NSD3: variants seen among roughly 807,000 people sequenced by gnomAD.
NSD3 encodes the protein nuclear receptor binding SET domain protein 3.
NSD3 carries 24 observed loss-of-function variants against 160.8 expected under a neutral mutation model. That is an observed-to-expected ratio of 0.15 (90% CI 0.11 to 0.21). The LOEUF is 0.21. Among genes scored for constraint, NSD3 ranks in the 10% least tolerant of loss-of-function variants. The pLI, the probability that NSD3 is intolerant of heterozygous loss-of-function variation, is 1.00. For synonymous variants in NSD3, 520 were observed against 600.0 expected, an observed-to-expected ratio of 0.87 and a Z score of 1.95; for missense variants, 1,157 against 1,735.9, an observed-to-expected ratio of 0.67 and a Z score of 5.93.
intron 7 of NSD3, among the ~76,000 whole-genome samples, chr8:38,323,855 T>G (rs1015169833): frequency 1.3e-5 from 2 of 151,474 alleles, no homozygotes; most frequent in Non-Finnish European, 2.9e-5. Flanking sequence ...TTCAGTAACT[T>G]TCAGAGGAGA....
At chr8:38,287,777 CGAGTAGCTG>C (rs1267747650) in intron 19 of NSD3, among the ~76,000 whole-genome samples, 1 of 151,888 alleles carries the variant, frequency 6.6e-6, no homozygotes, top group Admixed American at 6.6e-5. Flanking sequence ...CTCAGCCTCC[CGAGTAGCTG>C]GGACTACAGG....
At chr8:38,372,967 T>G (rs113052451) in intron 1 of NSD3, among the ~76,000 whole-genome samples, 2,027 of 150,104 alleles carry the variant, frequency 0.014, 28 homozygotes, top group Middle Eastern at 0.038. Context: ...GGCGAATCGC[T>G]TGAACCCGGG....
In NSD3 at chr8:38,348,234, G is replaced by A; in HGVS notation, c.-44-19C>T. 6.7e-7 allele frequency: 1 copy of A among 1,496,434 alleles called. No homozygotes were observed. The highest frequency in any genetic ancestry group is 8.9e-7 in the Non-Finnish European group (1 of 1,123,830). 92.7% of individuals were successfully genotyped at this position (1,496,434 alleles called of 1,614,324 possible). A position where few individuals can be genotyped will look rare whatever the true frequency, so the allele number is the denominator to read the frequency against. The stretch of plus-strand genomic sequence containing the variant: ...ATCGGGCCTAAAATTATAAAAGAGG[G>A]GATTAGAAGGTGTTACTATTCTCAT... On this transcript the variant is annotated intron_variant, in intron 1 of 23. Transcript: ENST00000317025.
chr8:38,368,732 C>A (rs1471816141), intron 1 of NSD3, among the ~76,000 whole-genome samples: 2 of 152,156 alleles, frequency 1.3e-5, no homozygotes, highest in East Asian at 1.9e-4. Flanking sequence ...GCTGACCACA[C>A]CCAGCAACAA....
intron 16 of NSD3, among the ~76,000 whole-genome samples, chr8:38,291,875 A>G (rs969421476): frequency 1.3e-5 from 2 of 152,230 alleles, no homozygotes; most frequent in Non-Finnish European, 2.9e-5. Context: ...ATGCAGCCCC[A>G]CTGGGCCTGA....
At chr8:38,370,289 A>C (rs546852003) in intron 1 of NSD3, among the ~76,000 whole-genome samples, 68 of 152,228 alleles carry the variant, frequency 4.5e-4, no homozygotes, top group African/African-American at 1.5e-3. Context: ...TTCTAAAATA[A>C]AGTGTTTCTA....
chr8:38,342,644 TACA>T (rs1185628950), intron 2 of NSD3, among the ~76,000 whole-genome samples: 1 of 151,914 alleles, frequency 6.6e-6, no homozygotes, highest in African/African-American at 2.4e-5. Flanking sequence ...CTCGGCTCAC[TACA>T]ACCTCTGCCT....
chr8:38,333,428 T>A (rs1810117341), intron 4 of NSD3, among the ~76,000 whole-genome samples: 2 of 152,220 alleles, frequency 1.3e-5, no homozygotes, highest in African/African-American at 4.8e-5. Flanking sequence ...AAGAGCTAAA[T>A]TTTTAATGAG....
rs756832860 is a variant in NSD3 at position 38,288,736 on chromosome 8, C to T, written c.3252G>A (p.Lys1084=). 3.7e-6 allele frequency: 6 copies of T among 1,613,624 alleles called. No individual in the cohort carries two copies. The highest frequency in any genetic ancestry group is 5.1e-6 in the Non-Finnish European group (6 of 1,179,552). Residue 1084 remains lysine, a synonymous_variant, in exon 19 of 24, where the codon AAG becomes AAA. Transcript: ENST00000317025. This position sits in a 1 kb window ranked among gnomAD's most constrained non-coding sequence, Gnocchi z 4.5. ...ACAGGTCAGCAACCTGGATCTGCAC[C>T]TTTCCTATTACTTTGTTAGCCTAGA... ...KHIKANKVIG[K]VQIQVADLSE...
chr8:38,370,086 G>A (rs767948834), intron 1 of NSD3, among the ~76,000 whole-genome samples: 1 of 152,056 alleles, frequency 6.6e-6, no homozygotes, highest in African/African-American at 2.4e-5. Flanking sequence ...GAGCCACCAC[G>A]CCCAGCCAGC....
At chr8:38,292,396 C>G (rs182926793) in intron 16 of NSD3, among the ~76,000 whole-genome samples, 1 of 152,216 alleles carries the variant, frequency 6.6e-6, no homozygotes, top group Non-Finnish European at 1.5e-5. Context: ...CCTGTAATCC[C>G]AGCACTTGGG....
chr8:38,278,555 C>T (rs980347300), intron 21 of NSD3, 143 bp from the exon 22 acceptor site: 4 of 629,756 alleles, frequency 6.4e-6, no homozygotes, highest in East Asian at 3.0e-5. Context: ...TCATTGATAA[C>T]AGTGATGGTA....
chr8:38,275,715 C>T lies in NSD3; in HGVS notation c.4240G>A (p.Val1414Met), dbSNP rs1332106120. The T allele has an allele frequency of 5.0e-6, 8 of 1,614,196 alleles. No individual in the cohort carries two copies. The highest frequency in any genetic ancestry group is 1.3e-5 in the African/African-American group (1 of 75,038). Residue 1414 changes from valine (V) to methionine (M), a missense_variant, in exon 24 of 24, where the codon GTG becomes ATG. Around this residue, in one of 10 missense-constraint regions of NSD3, gnomAD observed 222 missense variants for 409.9 expected, o/e 0.54. Coordinates refer to ENST00000317025, the MANE Select transcript of NSD3 (RefSeq NM_023034.2). ...ATCTTGCTCCAGTATTCTGGTGACA[C>T]AGGAGCCATGGGGTCATGTTCCGAG... is the stretch of plus-strand genomic sequence containing the variant. ...CCSEHDPMAP[V>M]SPEYWSKIKC...
At chr8:38,346,291 G>C (rs1810525862) in intron 2 of NSD3, among the ~76,000 whole-genome samples, 1 of 146,580 alleles carries the variant, frequency 6.8e-6, no homozygotes, top group South Asian at 2.1e-4. Flanking sequence ...TACATATATA[G>C]TATATAGTAT....
chr8:38,300,013 C>T (rs1485319084), intron 14 of NSD3, among the ~76,000 whole-genome samples: 1 of 151,898 alleles, frequency 6.6e-6, no homozygotes, highest in Non-Finnish European at 1.5e-5. Flanking sequence ...GATCTACCTT[C>T]AATATATCAA....
At chr8:38,363,448 G>C (rs1441175394) in intron 1 of NSD3, among the ~76,000 whole-genome samples, 4 of 152,016 alleles carry the variant, frequency 2.6e-5, no homozygotes, top group Non-Finnish European at 5.9e-5. Flanking sequence ...TTCGAGAGCA[G>C]CCTGGCCAAC....
chr8:38,291,082 T>C (rs987060715), intron 16 of NSD3, among the ~76,000 whole-genome samples: 7 of 152,224 alleles, frequency 4.6e-5, no homozygotes, highest in Non-Finnish European at 1.5e-5. Flanking sequence ...ATGGAATCAT[T>C]TTGAGAATAA....
chr8:38,360,852 T>A (rs1393792069), intron 1 of NSD3, among the ~76,000 whole-genome samples: 3 of 152,228 alleles, frequency 2.0e-5, no homozygotes, highest in Non-Finnish European at 4.4e-5. Flanking sequence ...CATTTTTGTA[T>A]AATTACTAAC....
chr8:38,306,280 A>G (rs1809391141), intron 12 of NSD3, among the ~76,000 whole-genome samples: 2 of 152,150 alleles, frequency 1.3e-5, no homozygotes, highest in Admixed American at 1.3e-4. Context: ...ATTTTTGCTA[A>G]TAAATTTGAA....
Sources: gnomAD v4.1 joint callset for allele counts (sites outside exome capture counted in the v4.1 genomes callset) on GRCh38, gnomAD v4.1.1 for gene constraint, gnomAD v4.1.1 regional missense constraint, Gnocchi (gnomAD v3.1) non-coding constraint, MANE v1.5 for transcripts, NCBI Gene and HGNC (gene_info 2026-07-23, HGNC 2026-07-21) for gene names.